Variants in HEATR5B observed in about 807,000 individuals in gnomAD.
HEATR5B encodes the protein HEAT repeat-containing protein 5B.
HEATR5B carries 156 observed loss-of-function variants against 224.1 expected under a neutral mutation model. That is an observed-to-expected ratio of 0.70 (90% CI 0.61 to 0.80). The LOEUF (loss-of-function observed/expected upper bound fraction) is 0.80. Among genes scored for constraint, HEATR5B ranks in the 30% least tolerant of loss-of-function variants. HEATR5B has a pLI of 0.00. For missense variants in HEATR5B, 2,323 were observed against 2,535.5 expected, an observed-to-expected ratio of 0.92 and a Z score of 1.80; for synonymous variants, 1,027 against 893.0, an observed-to-expected ratio of 1.15 and a Z score of -2.68.
chr2:37,044,199 G>A (rs1176085042), intron 18 of HEATR5B, among the ~76,000 whole-genome samples: 1 of 152,282 alleles, frequency 6.6e-6, no homozygotes, highest in Non-Finnish European at 1.5e-5. Flanking sequence ...TGTGGGTAGT[G>A]GCTGCCATAT....
Position 37,002,543 on chromosome 2 carries a change from T to TAC in HEATR5B, c.5078_5079dup (p.Thr1694ValfsTer27), listed in dbSNP as rs769489750. 1 of 1,614,156 alleles carries TAC rather than the reference T, an allele frequency of 6.2e-7. No individual in the cohort carries two copies. On this transcript the variant is annotated frameshift_variant, in exon 32 of 36. Transcript: ENST00000233099. LOFTEE classifies it high-confidence loss of function. ...CTGTCACCTCCTTCTCCCAATACGG[T>TAC]ACAGGCCTCTTTTTCCATATCATCT...
intron 20 of HEATR5B, 116 bp from the exon 21 acceptor site, chr2:37,038,140 T>A: frequency 4.1e-6 from 3 of 735,100 alleles, no homozygotes; most frequent in South Asian, 7.7e-5. Flanking sequence ...TATTCAGGTT[T>A]TTTTTGCTGT....
At chr2:37,002,071 G>A (rs1165954892) in intron 32 of HEATR5B, among the ~76,000 whole-genome samples, 1 of 152,158 alleles carries the variant, frequency 6.6e-6, no homozygotes, top group Admixed American at 6.6e-5. Flanking sequence ...TCAACCTGTA[G>A]TTCCATGTCT....
intron 24 of HEATR5B, among the ~76,000 whole-genome samples, chr2:37,024,370 T>A (rs1303889561): frequency 2.6e-5 from 4 of 152,156 alleles, no homozygotes; most frequent in African/African-American, 9.7e-5. Context: ...TCTTGAAAAA[T>A]GCAAAGATGG....
Position 37,005,665 on chromosome 2 carries a change from G to T in HEATR5B, c.4872C>A (p.Ser1624=). The part of the protein sequence containing the change: ...CLQALHTLLD[S]PYARVHIAED... ...CTGCAATATGGACTCGAGCATAAGG[G>T]GAGTCTAGCAAGGTATGTAAGGCCT... Residue 1624 remains serine (S), a synonymous_variant, in exon 30 of 36, where the codon TCC becomes TCA. Coordinates refer to ENST00000233099, the MANE Select transcript of HEATR5B (RefSeq NM_019024.3). 1 of 1,613,502 alleles carries T rather than the reference G, an allele frequency of 6.2e-7. No homozygotes were observed. Among genetic ancestry groups the T allele is most frequent in the Middle Eastern group, 1.7e-4 (1 of 6,060 alleles).
intron 6 of HEATR5B, among the ~76,000 whole-genome samples, chr2:37,071,836 C>T (rs867002082): frequency 2.0e-4 from 31 of 152,086 alleles, no homozygotes; most frequent in African/African-American, 6.8e-4. Flanking sequence ...AGGTGCATGA[C>T]ACCATGCCTG....
At chr2:36,997,084 G>A (rs187088084) in intron 33 of HEATR5B, among the ~76,000 whole-genome samples, 3 of 152,082 alleles carry the variant, frequency 2.0e-5, no homozygotes, top group Admixed American at 1.3e-4. Context: ...GTATATTAAT[G>A]ATATCAACAC....
At chr2:37,035,490 T>C (rs1301153033) in intron 21 of HEATR5B, among the ~76,000 whole-genome samples, 2 of 152,222 alleles carry the variant, frequency 1.3e-5, no homozygotes, top group African/African-American at 2.4e-5. Flanking sequence ...TAAATCTTGA[T>C]AGTAAGTATA....
Position 37,060,670 on chromosome 2 carries a change from C to T in HEATR5B, c.1760G>A (p.Arg587His), listed in dbSNP as rs751892113. 1 of 1,613,844 alleles carries T rather than the reference C, an allele frequency of 6.2e-7. No homozygotes were observed. The highest frequency in any genetic ancestry group is 8.5e-7 in the Non-Finnish European group (1 of 1,179,878). Residue 587 changes from arginine (R) to histidine (H), a missense_variant, in exon 12 of 36, where the codon CGT becomes CAT. Arg to His is a conservative substitution (Grantham distance 29). Transcript: ENST00000233099. ...CTCAGCTTCCAATTCCTTTAAGGAA[C>T]GTGGGAAAACATTTCGCCACAATAA... The part of the protein sequence containing the change: ...MLLLWRNVFP[R>H]SLKELEAEKA...
chr2:37,030,134 T>G (rs1312902367), intron 22 of HEATR5B, among the ~76,000 whole-genome samples: 1 of 151,982 alleles, frequency 6.6e-6, no homozygotes, highest in Non-Finnish European at 1.5e-5. Flanking sequence ...CCCTCTGAAG[T>G]CTAGAGCCCA....
intron 10 of HEATR5B, among the ~76,000 whole-genome samples, chr2:37,063,418 AAGATACC>A (rs1359961400): frequency 6.6e-6 from 1 of 152,220 alleles, no homozygotes. Context: ...GTCAAATTAT[AAGATACC>A]AGTTTACCAG....
chr2:37,018,780 T>G (rs1047307902), intron 26 of HEATR5B, among the ~76,000 whole-genome samples: 2 of 152,152 alleles, frequency 1.3e-5, no homozygotes, highest in South Asian at 4.1e-4. Context: ...ATAAACTGAT[T>G]ACCTAAAAGA....
intron 18 of HEATR5B, among the ~76,000 whole-genome samples, chr2:37,043,436 A>C (rs1669999030): frequency 6.6e-6 from 1 of 152,240 alleles, no homozygotes; most frequent in African/African-American, 2.4e-5. Context: ...CTCATTATAA[A>C]AGTATTTTGA....
At chr2:37,046,657 A>T (rs890555033) in intron 18 of HEATR5B, among the ~76,000 whole-genome samples, 11 of 150,940 alleles carry the variant, frequency 7.3e-5, no homozygotes, top group Non-Finnish European at 1.0e-4. Context: ...AAAAAAAAAA[A>T]ATATTGAGAG....
At chr2:37,016,837 A>G (rs957432129) in intron 26 of HEATR5B, among the ~76,000 whole-genome samples, 1 of 152,226 alleles carries the variant, frequency 6.6e-6, no homozygotes, top group African/African-American at 2.4e-5. Context: ...AATAAAATTA[A>G]TAAGGACATT....
chr2:37,082,718 G>A (rs891429194), intron 2 of HEATR5B, among the ~76,000 whole-genome samples: 2 of 152,220 alleles, frequency 1.3e-5, no homozygotes, highest in African/African-American at 4.8e-5. Context: ...TAGAAACAAT[G>A]TTAATGGCTG....
At position 36,988,865 on chromosome 2, in the gene HEATR5B, T is replaced by A; in HGVS notation, c.5698-6A>T. The A allele has an allele frequency of 6.3e-7, 1 of 1,599,930 alleles. No homozygotes were observed. The highest frequency in any genetic ancestry group is 8.6e-7 in the Non-Finnish European group (1 of 1,167,244). On this transcript the variant is annotated splice_polypyrimidine_tract_variant and splice_region_variant and intron_variant, in intron 34 of 35. Coordinates refer to ENST00000233099, the MANE Select transcript of HEATR5B (RefSeq NM_019024.3). ...TGGTAACATTTGGCTTGAACCTATA[T>A]AAGAAGAACATATTATCAATTAACA... is the stretch of plus-strand genomic sequence containing the variant.
chr2:37,000,501 G>C (rs1427818253), intron 33 of HEATR5B, 85 bp downstream of exon 33: 2 of 1,046,446 alleles, frequency 1.9e-6, no homozygotes, highest in Non-Finnish European at 3.0e-6. Flanking sequence ...TTATACAGCA[G>C]TTTTCTGATA....
chr2:37,066,004 TG>T (rs1671567008), intron 8 of HEATR5B, 94 bp from the exon 9 acceptor site: 1 of 1,078,246 alleles, frequency 9.3e-7, no homozygotes, highest in Non-Finnish European at 1.3e-6. Context: ...CCATACCAGT[TG>T]ATGTCCGAGT....
Sources: gnomAD v4.1 joint callset for allele counts (sites outside exome capture counted in the v4.1 genomes callset) on GRCh38, gnomAD v4.1.1 for gene constraint, MANE v1.5 for transcripts, NCBI Gene and HGNC (gene_info 2026-07-23, HGNC 2026-07-21) for gene names.